SLC25A40: variants seen among roughly 807,000 people sequenced by gnomAD.
SLC25A40 encodes the protein mitochondrial glutathione transporter SLC25A40.
Under a neutral mutation model 46.5 loss-of-function variants are expected in SLC25A40, and 41 were observed. That is an observed-to-expected ratio of 0.88 (90% CI 0.69 to 1.14). The LOEUF (loss-of-function observed/expected upper bound fraction) is 1.14, where lower values mean the gene tolerates loss of function less well. Ranked by LOEUF, SLC25A40 falls within the 50% of genes most tolerant of loss-of-function variation. The pLI is 0.00. For synonymous variants in SLC25A40, 126 were observed against 127.5 expected, an observed-to-expected ratio of 0.99 and a Z score of 0.08; for missense variants, 386 against 393.6, an observed-to-expected ratio of 0.98 and a Z score of 0.16.
At chr7:87,861,460 T>C (rs1233282611) in intron 1 of SLC25A40, among the ~76,000 whole-genome samples, 2 of 152,230 alleles carry the variant, frequency 1.3e-5, no homozygotes, top group African/African-American at 2.4e-5. Flanking sequence ...AATGTTCTAA[T>C]AACTGTAGTT....
intron 3 of SLC25A40, among the ~76,000 whole-genome samples, chr7:87,857,394 T>C (rs1406077749): frequency 6.6e-6 from 1 of 152,224 alleles, no homozygotes; most frequent in Non-Finnish European, 1.5e-5. Context: ...AGTTAGATAC[T>C]GTTCCCAAGT....
chr7:87,859,173 G>A (rs752989420), intron 2 of SLC25A40, among the ~76,000 whole-genome samples: 15 of 152,148 alleles, frequency 9.9e-5, no homozygotes, highest in Admixed American at 7.9e-4. Context: ...AATAATCACC[G>A]GCCAGGCGTG....
intron 4 of SLC25A40, among the ~76,000 whole-genome samples, chr7:87,855,112 T>C (rs542580511): frequency 1.4e-5 from 2 of 143,930 alleles, no homozygotes; most frequent in East Asian, 4.1e-4. Context: ...CAGTGAGCTA[T>C]GATCACACTA....
intron 9 of SLC25A40, among the ~76,000 whole-genome samples, chr7:87,842,916 T>C (rs1838356446): frequency 6.6e-6 from 1 of 152,122 alleles, no homozygotes; most frequent in Non-Finnish European, 1.5e-5. Context: ...TTGGTTTTTT[T>C]GTTCAATAGA....
At position 87,876,207 on chromosome 7, in the gene SLC25A40, G is replaced by C. The variant is rs1020745102; in HGVS notation, c.-205C>G. Reference sequence around the variant, plus strand: ...GGCGCTAACTGCATCCACTAGGTTTGGTCAACACAGAGCCGCGCCAACTCT... The same window carrying C: ...GGCGCTAACTGCATCCACTAGGTTTCGTCAACACAGAGCCGCGCCAACTCT... On this transcript the variant is annotated 5_prime_UTR_variant, in exon 1 of 12. Coordinates refer to ENST00000341119, the MANE Select transcript of SLC25A40 (RefSeq NM_018843.4). 3 of 153,466 alleles carry C rather than the reference G, an allele frequency of 2.0e-5. No individual in the cohort carries two copies. The Admixed American group carries it at 2.0e-4, about 10-fold the overall frequency. 9.5% of individuals were successfully genotyped at this position (153,466 alleles called of 1,614,324 possible). A position where few individuals can be genotyped will look rare whatever the true frequency, so the allele number is the denominator to read the frequency against.
chr7:87,860,872 A>G (rs1284319573), intron 1 of SLC25A40, among the ~76,000 whole-genome samples: 1 of 152,220 alleles, frequency 6.6e-6, no homozygotes, highest in African/African-American at 2.4e-5. Context: ...TCTGCTTTAA[A>G]AACAAATAAG....
chr7:87,843,128 G>A (rs1356149592), intron 9 of SLC25A40, among the ~76,000 whole-genome samples: 1 of 151,950 alleles, frequency 6.6e-6, no homozygotes, highest in Non-Finnish European at 1.5e-5. Context: ...CTCACTACAA[G>A]TTATTACAGA....
intron 3 of SLC25A40, among the ~76,000 whole-genome samples, chr7:87,857,796 A>G (rs1562747201): frequency 6.6e-6 from 1 of 152,268 alleles, no homozygotes; most frequent in Non-Finnish European, 1.5e-5. Flanking sequence ...AAAGAACAGA[A>G]TAACAGCGAT....
intron 1 of SLC25A40, among the ~76,000 whole-genome samples, chr7:87,866,212 T>C (rs1453263242): frequency 6.6e-6 from 1 of 152,222 alleles, no homozygotes; most frequent in Non-Finnish European, 1.5e-5. Context: ...TTAGCGTTTC[T>C]TGTAAAATGG....
rs551517045 is a variant in SLC25A40 at position 87,838,800 on chromosome 7, T to C, written c.824-1990A>G. 2.0e-5 allele frequency among the ~76,000 whole-genome samples: 3 copies of C among 151,668 alleles called. No homozygotes were observed. The South Asian group carries it at 6.2e-4, about 31-fold the overall frequency. ...TCTTCTTTGTCCTCCTTTTAAACTT[T>C]ATATAAATGATATCACACTGCACAC... On this transcript the variant is annotated intron_variant, in intron 10 of 11. Transcript: ENST00000341119.
chr7:87,857,964 T>C (rs188199210), intron 3 of SLC25A40, among the ~76,000 whole-genome samples: 1 of 152,304 alleles, frequency 6.6e-6, no homozygotes, highest in African/African-American at 2.4e-5. Context: ...TAATAATTCA[T>C]ACCCTGGGGA....
chr7:87,837,656 G>A (rs2285647), intron 10 of SLC25A40, among the ~76,000 whole-genome samples: 41,346 of 150,580 alleles, frequency 0.27, 5,789 homozygotes, highest in Non-Finnish European at 0.3. Flanking sequence ...GTTTATTTTC[G>A]TTTACACACT....
chr7:87,847,895 T>G lies in SLC25A40; in HGVS notation c.415A>C (p.Asn139His). Residue 139 changes from asparagine to histidine, a missense_variant, in exon 7 of 12, where the codon AAT (asparagine) becomes CAT (histidine). Coordinates refer to ENST00000341119, the MANE Select transcript of SLC25A40 (RefSeq NM_018843.4). ...GCAACAATTGGTATGCAGGTTTCAT[T>G]TTCTCCTAACTTAGATCTCAGAAGA... The part of the protein sequence containing the change: ...SALLRSKLGE[N>H]ETCIPIVAGI... 1 of 1,612,036 alleles carries G rather than the reference T, an allele frequency of 6.2e-7. No homozygotes were observed. Among genetic ancestry groups the G allele is most frequent in the African/African-American group, 1.3e-5 (1 of 75,004 alleles).
At chr7:87,848,146 A>T in intron 6 of SLC25A40, among the ~76,000 whole-genome samples, 169 bp from the exon 7 acceptor site, 1 of 152,400 alleles carries the variant, frequency 6.6e-6, no homozygotes, top group South Asian at 2.1e-4. Context: ...TTTAAAAATG[A>T]TTAGTACTTA....
intron 10 of SLC25A40, among the ~76,000 whole-genome samples, chr7:87,840,555 A>T (rs1448281082): frequency 6.6e-6 from 1 of 151,844 alleles, no homozygotes; most frequent in African/African-American, 2.4e-5. Context: ...AATTGGTGAA[A>T]TCCTACTATG....
intron 1 of SLC25A40, among the ~76,000 whole-genome samples, chr7:87,874,827 T>C (rs1196984943): frequency 1.3e-5 from 2 of 152,220 alleles, no homozygotes; most frequent in Non-Finnish European, 2.9e-5. Context: ...TTGCAGTCTC[T>C]TCCCAATTCT....
At chr7:87,867,773 T>G (rs1159294744) in intron 1 of SLC25A40, among the ~76,000 whole-genome samples, 1 of 152,230 alleles carries the variant, frequency 6.6e-6, no homozygotes. Context: ...GAATATTGTT[T>G]CCCACTAGGT....
In SLC25A40 at chr7:87,857,971, G is replaced by A. The variant is rs558334468; in HGVS notation, c.97+660C>T. Among the ~76,000 whole-genome samples, 17 of 152,164 alleles carry A rather than the reference G, an allele frequency of 1.1e-4. No individual in the cohort carries two copies. In the East Asian group the frequency reaches 3.3e-3, roughly 29 times the overall value. On this transcript the variant is annotated intron_variant, in intron 3 of 11. Transcript: ENST00000341119. ...AGGAATATTAATAATTCATACCCTG[G>A]GGAAGGAATGCATTCCTGGTGGGAG...
chr7:87,846,767 A>G (rs1179793442), intron 8 of SLC25A40, among the ~76,000 whole-genome samples, 182 bp downstream of exon 8: 3 of 152,214 alleles, frequency 2.0e-5, no homozygotes, highest in African/African-American at 7.2e-5. Context: ...AGCTTGAATA[A>G]AAACTATTCA....
Sources: allele counts gnomAD v4.1 joint callset (sites outside exome capture counted in the v4.1 genomes callset), GRCh38; gene constraint gnomAD v4.1.1; transcripts MANE v1.5; gene names NCBI Gene and HGNC (gene_info 2026-07-23, HGNC 2026-07-21).